The following KDM4C variants were observed in gnomAD, a reference collection of about 807,000 sequenced individuals.
KDM4C encodes lysine-specific demethylase 4C.
Under a neutral mutation model 129.3 loss-of-function variants are expected in KDM4C, and 81 were observed. That is an observed-to-expected ratio of 0.63 (90% confidence interval 0.52 to 0.75). KDM4C has a LOEUF of 0.75. Ranked by LOEUF, KDM4C falls within the 30% of genes least tolerant of loss-of-function variation. KDM4C has a pLI of 0.00. For missense variants in KDM4C, 1,457 were observed against 1,304.0 expected, an observed-to-expected ratio of 1.12 and a Z score of -1.81; for synonymous variants, 573 against 456.1, an observed-to-expected ratio of 1.26 and a Z score of -3.26.
At chr9:6,780,152 T>C (rs1824004220) in intron 1 of KDM4C, among the ~76,000 whole-genome samples, 2 of 152,068 alleles carry the variant, frequency 1.3e-5, no homozygotes, top group Admixed American at 6.6e-5. Context: ...CAAATACCAG[T>C]TGAATACTCA....
intron 8 of KDM4C, among the ~76,000 whole-genome samples, chr9:6,931,433 C>T (rs899161007): frequency 9.9e-5 from 15 of 152,090 alleles, no homozygotes; most frequent in African/African-American, 3.1e-4. Flanking sequence ...CAACTAAACA[C>T]GCATGCATGA....
At chr9:6,874,664 G>T (rs2130706417) in intron 5 of KDM4C, among the ~76,000 whole-genome samples, 2 of 152,292 alleles carry the variant, frequency 1.3e-5, no homozygotes, top group South Asian at 4.1e-4. Flanking sequence ...GGAGCCCCAA[G>T]TCTGCCCAAT....
intron 1 of KDM4C, among the ~76,000 whole-genome samples, chr9:6,735,851 G>A (rs1434042702): frequency 6.6e-6 from 1 of 152,220 alleles, no homozygotes; most frequent in Non-Finnish European, 1.5e-5. Context: ...GATTGGAACA[G>A]TTTGGAGGGC....
intron 17 of KDM4C, among the ~76,000 whole-genome samples, chr9:7,066,005 A>C (rs986525704): frequency 2.6e-5 from 4 of 152,108 alleles, no homozygotes; most frequent in Admixed American, 2.0e-4. Context: ...AAAAAAAAAA[A>C]AAAAACTGTA....
intron 15 of KDM4C, among the ~76,000 whole-genome samples, chr9:7,021,111 C>CAT (rs201794836): frequency 0.017 from 2,372 of 138,780 alleles, 56 homozygotes; most frequent in African/African-American, 0.058. Context: ...TTTGTACATA[C>CAT]ATATATATAT....
intron 1 of KDM4C, among the ~76,000 whole-genome samples, chr9:6,766,555 C>G (rs1037583134): frequency 6.6e-6 from 1 of 151,800 alleles, no homozygotes; most frequent in African/African-American, 2.4e-5. Flanking sequence ...CTTTTTCAGT[C>G]GACCGAGAGT....
chr9:7,169,185 CCA>C (rs1300508626), intron 20 of KDM4C, among the ~76,000 whole-genome samples: 12 of 151,932 alleles, frequency 7.9e-5, no homozygotes, highest in African/African-American at 2.2e-4. Context: ...GCTGAATTTC[CCA>C]CAGTCTCATG....
At chr9:6,995,863 G>A (rs530045617) in intron 12 of KDM4C, among the ~76,000 whole-genome samples, 2 of 150,010 alleles carry the variant, frequency 1.3e-5, no homozygotes, top group Non-Finnish European at 3.0e-5. Context: ...GGTAGAGATG[G>A]GGTTTCACTG....
chr9:7,139,138 G>A (rs10081646), intron 19 of KDM4C, among the ~76,000 whole-genome samples: 3,168 of 152,202 alleles, frequency 0.021, 128 homozygotes, highest in African/African-American at 0.072. Flanking sequence ...AGCCAGGCAT[G>A]GTGGTATGCA....
intron 2 of KDM4C, among the ~76,000 whole-genome samples, chr9:6,795,638 C>T (rs978633524): frequency 2.6e-5 from 4 of 151,424 alleles, no homozygotes; most frequent in Non-Finnish European, 4.4e-5. Context: ...GGACATGTAT[C>T]TTGTTAAAGT....
chr9:7,062,106 T>C (rs1389120189), intron 17 of KDM4C, among the ~76,000 whole-genome samples: 1 of 152,152 alleles, frequency 6.6e-6, no homozygotes, highest in Admixed American at 6.5e-5. Context: ...TAGCTGGGAC[T>C]ACAGGTGCCT....
At chr9:7,080,182 A>T (rs952743872) in intron 17 of KDM4C, among the ~76,000 whole-genome samples, 2 of 152,218 alleles carry the variant, frequency 1.3e-5, no homozygotes, top group Non-Finnish European at 1.5e-5. Context: ...GTAGGAGCAC[A>T]GCCACAGGTA....
chr9:7,042,018 C>T (rs1828687077), intron 15 of KDM4C, among the ~76,000 whole-genome samples: 1 of 152,034 alleles, frequency 6.6e-6, no homozygotes, highest in South Asian at 2.1e-4. Context: ...TCCCGCTAAA[C>T]AGCTACACTG....
intron 4 of KDM4C, among the ~76,000 whole-genome samples, chr9:6,820,990 G>C (rs996517159): frequency 5.3e-5 from 8 of 151,356 alleles, no homozygotes; most frequent in African/African-American, 1.9e-4. Context: ...CTGTCCTTGT[G>C]ATAGTTTGCT....
At chr9:6,975,790 C>T (rs1832815062) in intron 8 of KDM4C, among the ~76,000 whole-genome samples, 1 of 152,118 alleles carries the variant, frequency 6.6e-6, no homozygotes, top group Non-Finnish European at 1.5e-5. Flanking sequence ...ACCTGTAATC[C>T]CACCGCTTTG....
At chr9:6,939,962 C>CTACG (rs1825559042) in intron 8 of KDM4C, among the ~76,000 whole-genome samples, 1 of 130,376 alleles carries the variant, frequency 7.7e-6, no homozygotes, top group African/African-American at 2.8e-5. Flanking sequence ...AATAACCAAC[C>CTACG]TACCTACCTA....
intron 5 of KDM4C, among the ~76,000 whole-genome samples, chr9:6,856,396 T>C (rs1839810657): frequency 6.6e-6 from 1 of 152,196 alleles, no homozygotes; most frequent in Admixed American, 6.5e-5. Context: ...GAATTAACCA[T>C]GGTTCATTTT....
chr9:7,169,997 C>A, intron 21 of KDM4C, 107 bp downstream of exon 21: 1 of 1,567,486 alleles, frequency 6.4e-7, no homozygotes, highest in Non-Finnish European at 8.7e-7. Context: ...TGGATTAATT[C>A]TAAAAAAAGC....
intron 8 of KDM4C, among the ~76,000 whole-genome samples, chr9:6,916,394 G>A (rs1189607289): frequency 6.6e-6 from 1 of 151,808 alleles, no homozygotes; most frequent in Non-Finnish European, 1.5e-5. Flanking sequence ...TTATCACAAG[G>A]GCTCAAATGA....
Sources: gnomAD v4.1 joint callset for allele counts (sites outside exome capture counted in the v4.1 genomes callset) on GRCh38, gnomAD v4.1.1 for gene constraint, MANE v1.5 for transcripts, NCBI Gene and HGNC (gene_info 2026-07-23, HGNC 2026-07-21) for gene names.